Variants in B3GALT1 observed in about 807,000 individuals in gnomAD.
B3GALT1 encodes UDP-Gal:betaGlcNAc beta 1,3-galactosyltransferase, polypeptide 1.
B3GALT1 carries 10 observed loss-of-function variants against 23.2 expected under a neutral mutation model. The ratio of observed to expected loss-of-function variants is 0.43; its 90% CI spans 0.27 to 0.73. The LOEUF (loss-of-function observed/expected upper bound fraction) is 0.73. B3GALT1 is among the 30% of genes least tolerant of loss of function. The pLI is 0.21. For synonymous variants in B3GALT1, 156 were observed against 141.5 expected (o/e 1.10, Z -0.73); for missense variants, 299 against 405.4 (o/e 0.74, Z 2.25).
chr2:167,377,736 T>C (rs1358680692), intron 1 of B3GALT1, among the ~76,000 whole-genome samples: 3 of 152,140 alleles, frequency 2.0e-5, no homozygotes, highest in African/African-American at 7.2e-5. Context: ...GATGGGACTC[T>C]TAAAGACAGC....
intron 2 of B3GALT1, among the ~76,000 whole-genome samples, chr2:167,618,706 C>T (rs1558926310): frequency 2.0e-5 from 3 of 151,860 alleles, no homozygotes; most frequent in Non-Finnish European, 4.4e-5. Flanking sequence ...TCCTTAGACT[C>T]TTGGTTGTTT....
intron 1 of B3GALT1, among the ~76,000 whole-genome samples, chr2:167,376,968 A>G (rs1697775582): frequency 1.3e-5 from 2 of 152,106 alleles, no homozygotes; most frequent in Admixed American, 6.6e-5. Context: ...TTTTTGAGGT[A>G]GGCACTTAGC....
rs1443186407 is a variant in B3GALT1, at chr2:167,872,807, T to A, written c.*2787T>A. 3 of 152,170 alleles carry A rather than the reference T, an allele frequency of 2.0e-5. No homozygotes were observed. The highest frequency in any genetic ancestry group is 4.4e-5 in the Non-Finnish European group (3 of 68,040). The allele number at this position is 152,170 out of a possible 1,614,324, so 9.4% of individuals were successfully genotyped here. On this transcript the variant is annotated 3_prime_UTR_variant, in exon 5 of 5. Coordinates refer to ENST00000392690, the MANE Select transcript of B3GALT1 (RefSeq NM_020981.4). The stretch of plus-strand genomic sequence containing the variant: ...GCCCATGTGACAAACATGTAAATAT[T>A]CATCAAAGACCACATGTATATATTT...
At chr2:167,479,486 A>G (rs940184238) in intron 1 of B3GALT1, among the ~76,000 whole-genome samples, 4 of 152,294 alleles carry the variant, frequency 2.6e-5, no homozygotes, top group Admixed American at 6.5e-5. Flanking sequence ...TTTTGAATGT[A>G]TTAGCTTTTG....
intron 1 of B3GALT1, among the ~76,000 whole-genome samples, chr2:167,335,002 A>G (rs1253740195): frequency 6.6e-6 from 1 of 152,164 alleles, no homozygotes; most frequent in African/African-American, 2.4e-5. Context: ...TACTACTATT[A>G]CTTACTCTCT....
At chr2:167,611,744 AG>A (rs770846228) in intron 2 of B3GALT1, among the ~76,000 whole-genome samples, 30 of 151,918 alleles carry the variant, frequency 2.0e-4, no homozygotes, top group Non-Finnish European at 2.5e-4. Context: ...ATCCACCCTT[AG>A]TTCTCTCCTA....
chr2:167,802,487 T>A (rs1036253600), intron 3 of B3GALT1, among the ~76,000 whole-genome samples: 7 of 152,196 alleles, frequency 4.6e-5, no homozygotes, highest in African/African-American at 1.2e-4. Context: ...GTCTAGAGAA[T>A]GAAAAGAAAT....
intron 3 of B3GALT1, among the ~76,000 whole-genome samples, chr2:167,723,201 T>C (rs904050091): frequency 1.3e-5 from 2 of 152,200 alleles, no homozygotes; most frequent in African/African-American, 4.8e-5. Context: ...GGTGACATGT[T>C]TAAACTACCT....
intron 1 of B3GALT1, among the ~76,000 whole-genome samples, chr2:167,314,214 G>A (rs183423332): frequency 1.3e-5 from 2 of 152,184 alleles, no homozygotes; most frequent in Admixed American, 1.3e-4. Context: ...AAAAAAGTTT[G>A]GGAAAATTCA....
intron 3 of B3GALT1, among the ~76,000 whole-genome samples, chr2:167,783,771 CA>C (rs1410745159): frequency 6.6e-6 from 1 of 152,108 alleles, no homozygotes; most frequent in African/African-American, 2.4e-5. Flanking sequence ...TTTCAAATGC[CA>C]AGTCCTGCAG....
At chr2:167,341,388 G>A (rs1224254599) in intron 1 of B3GALT1, among the ~76,000 whole-genome samples, 1 of 152,182 alleles carries the variant, frequency 6.6e-6, no homozygotes, top group Non-Finnish European at 1.5e-5. Context: ...CTGCCTGCGT[G>A]TGGTGGCTCA....
intron 2 of B3GALT1, among the ~76,000 whole-genome samples, chr2:167,519,408 CAATTA>C (rs56720776): frequency 0.37 from 56,213 of 151,594 alleles, 11,309 homozygotes; most frequent in East Asian, 0.8. Context: ...CTAAGATAAA[CAATTA>C]AATTTAATTT....
chr2:167,801,568 T>A (rs990561605), intron 3 of B3GALT1, among the ~76,000 whole-genome samples: 2 of 152,210 alleles, frequency 1.3e-5, no homozygotes, highest in African/African-American at 4.8e-5. Flanking sequence ...GACTGTACTA[T>A]GACTATGCAA....
At chr2:167,516,978 T>G (rs1347618132) in intron 2 of B3GALT1, among the ~76,000 whole-genome samples, 1 of 151,564 alleles carries the variant, frequency 6.6e-6, no homozygotes, top group Admixed American at 6.6e-5. Context: ...ATATGACACT[T>G]AAGCTTCTTT....
chr2:167,516,839 T>C (rs767951644), intron 2 of B3GALT1, among the ~76,000 whole-genome samples: 1 of 151,934 alleles, frequency 6.6e-6, no homozygotes. Context: ...CATTCCTTTG[T>C]CTCTCTTTAT....
intron 3 of B3GALT1, among the ~76,000 whole-genome samples, chr2:167,699,118 C>T (rs1309475772): frequency 1.3e-5 from 2 of 152,226 alleles, no homozygotes; most frequent in Admixed American, 6.5e-5. Context: ...TTTTCGGTTA[C>T]GGGAAAGATA....
At chr2:167,786,084 C>T (rs530745986) in intron 3 of B3GALT1, among the ~76,000 whole-genome samples, 1 of 152,334 alleles carries the variant, frequency 6.6e-6, no homozygotes, top group South Asian at 2.1e-4. Context: ...AACACAGATG[C>T]AAATGGCAGG....
At chr2:167,809,103 C>T (rs1376981324) in intron 3 of B3GALT1, among the ~76,000 whole-genome samples, 7 of 152,158 alleles carry the variant, frequency 4.6e-5, no homozygotes, top group East Asian at 1.9e-4. Flanking sequence ...GCATTCGTCA[C>T]GTAGTCCTCG....
rs537501923 is a variant in B3GALT1, at chr2:167,751,938, T to C, written c.-351-66734T>C. ...CTACTGTAGGCATTTTGCTCATATA[T>C]GGCAAACACTATGAGAGCCAGAAAT... On this transcript the variant is annotated intron_variant, in intron 3 of 4. Coordinates refer to ENST00000392690, the MANE Select transcript of B3GALT1 (RefSeq NM_020981.4). 3.3e-5 allele frequency among the ~76,000 whole-genome samples: 5 copies of C among 152,286 alleles called. No individual in the cohort carries two copies. In the South Asian group the frequency reaches 8.3e-4, roughly 25 times the overall value.
Sources: allele counts gnomAD v4.1 joint callset (sites outside exome capture counted in the v4.1 genomes callset), GRCh38; gene constraint gnomAD v4.1.1; transcripts MANE v1.5; gene names NCBI Gene and HGNC (gene_info 2026-07-23, HGNC 2026-07-21).